The following LTO1 variants were observed in gnomAD, a reference collection of about 807,000 sequenced individuals.
LTO1 encodes the protein protein LTO1 homolog.
In LTO1, 18 loss-of-function variants were observed where a neutral mutation model predicts 19.8. The observed-to-expected ratio is 0.91, with a 90% CI of 0.63 to 1.35. The LOEUF is 1.35. Ranked by LOEUF, LTO1 falls within the 40% of genes most tolerant of loss-of-function variation. The pLI is 0.00. For synonymous variants in LTO1, 59 were observed against 59.6 expected (o/e 0.99, Z 0.05); for missense variants, 175 against 167.9 (o/e 1.04, Z -0.23).
chr11:69,668,756 G>A (rs184944169), intron 3 of LTO1, among the ~76,000 whole-genome samples: 26 of 151,920 alleles, frequency 1.7e-4, no homozygotes, highest in Middle Eastern at 3.4e-3. Context: ...GGCCGGGCTC[G>A]GTGGCTCACG....
intron 4 of LTO1, 115 bp downstream of exon 4, chr11:69,667,780 T>A: frequency 1.3e-6 from 1 of 743,498 alleles, no homozygotes; most frequent in Non-Finnish European, 2.4e-6. Context: ...TACGGACAGT[T>A]CCGCGGCGCA....
chr11:69,671,036 C>T (rs1856101145), intron 3 of LTO1, among the ~76,000 whole-genome samples: 1 of 152,040 alleles, frequency 6.6e-6, no homozygotes, highest in Non-Finnish European at 1.5e-5. Context: ...GAGTAGCTGG[C>T]ACTACAGACA....
At chr11:69,670,065 G>A (rs1856086531) in intron 3 of LTO1, among the ~76,000 whole-genome samples, 1 of 151,980 alleles carries the variant, frequency 6.6e-6, no homozygotes, top group Admixed American at 6.6e-5. Flanking sequence ...ATGAACCACT[G>A]CTCTACAATA....
At chr11:69,672,755 G>T (rs767500909) in intron 2 of LTO1, 17 of 282,502 alleles carry the variant, frequency 6.0e-5, no homozygotes, top group Non-Finnish European at 9.1e-5. Flanking sequence ...TATTTCTCCA[G>T]CAACAGTCCA....
At chr11:69,673,614 T>C (rs1565080331) in intron 1 of LTO1, among the ~76,000 whole-genome samples, 1 of 151,470 alleles carries the variant, frequency 6.6e-6, no homozygotes, top group Non-Finnish European at 1.5e-5. Flanking sequence ...AATTCAAAGA[T>C]ATTAACTCAA....
chr11:69,670,743 T>C (rs1236024283), intron 3 of LTO1, among the ~76,000 whole-genome samples: 1 of 152,228 alleles, frequency 6.6e-6, no homozygotes, highest in African/African-American at 2.4e-5. Flanking sequence ...GGTGTCAGAA[T>C]GACGCAGAGC....
rs1036978552 is a variant in LTO1 at position 69,667,787 on chromosome 11, C to T, written c.345+108G>A. The T allele has an allele frequency of 6.0e-5, 45 of 753,408 alleles. No homozygotes were observed. The Middle Eastern group carries it at 1.1e-3, about 18-fold the overall frequency. The allele number at this position is 753,408 out of a possible 1,614,324, so 46.7% of individuals were successfully genotyped here. On this transcript the variant is annotated intron_variant, in intron 4 of 4. Coordinates refer to ENST00000279147, the MANE Select transcript of LTO1 (RefSeq NM_153451.3). ...GGCGCCTCTACGGACAGTTCCGCGGCGCACGCAGCCCCAGGCCATTGCCGC... is the reference window on the plus strand; with the variant it reads ...GGCGCCTCTACGGACAGTTCCGCGGTGCACGCAGCCCCAGGCCATTGCCGC...
rs995108275 is a variant in LTO1, at chr11:69,673,199, T to C, written c.156+17A>G. On this transcript the variant is annotated intron_variant, in intron 2 of 4. Coordinates refer to ENST00000279147, the MANE Select transcript of LTO1 (RefSeq NM_153451.3). Reference sequence around the variant, plus strand: ...TAAATGAAGAGGCTTCATCTCCAGATGGGGGTTCCCACTTACCTCAGACCC... The same window carrying C: ...TAAATGAAGAGGCTTCATCTCCAGACGGGGGTTCCCACTTACCTCAGACCC... The C allele has an allele frequency of 7.5e-7, 1 of 1,336,744 alleles. No individual in the cohort carries two copies. Among genetic ancestry groups the C allele is most frequent in the Non-Finnish European group, 1.1e-6 (1 of 926,546 alleles). 82.8% of individuals were successfully genotyped at this position (1,336,744 alleles called of 1,614,324 possible). A position where few individuals can be genotyped will look rare whatever the true frequency, so the allele number is the denominator to read the frequency against.
intron 4 of LTO1, 21 bp downstream of exon 4, chr11:69,667,874 G>C (rs370973505): frequency 2.4e-4 from 276 of 1,142,406 alleles, no homozygotes; most frequent in Middle Eastern, 1.5e-3. Context: ...CCTAGCAGGA[G>C]GAAACACACA....
intron 3 of LTO1, among the ~76,000 whole-genome samples, chr11:69,669,545 G>C (rs993689692): frequency 6.6e-6 from 1 of 152,204 alleles, no homozygotes; most frequent in Non-Finnish European, 1.5e-5. Context: ...ATGCCAAAAC[G>C]TGGGAGGTGG....
Position 69,675,335 on chromosome 11 carries a change from G to C in LTO1, c.-96C>G. On this transcript the variant is annotated 5_prime_UTR_variant, in exon 1 of 5. Coordinates refer to ENST00000279147, the MANE Select transcript of LTO1 (RefSeq NM_153451.3). ...TCAGGCACAAATGCTCCGCTTGGGA[G>C]GAGACGAGACCCACTTCCGGAAGCG... 1 of 1,047,122 alleles carries C rather than the reference G, an allele frequency of 9.5e-7. No homozygotes were observed. Among genetic ancestry groups the C allele is most frequent in the Non-Finnish European group, 1.3e-6 (1 of 747,220 alleles). The allele number at this position is 1,047,122 out of a possible 1,614,324, so 64.9% of individuals were successfully genotyped here. A position where few individuals can be genotyped will look rare whatever the true frequency, so the allele number is the denominator to read the frequency against.
At position 69,675,297 on chromosome 11, in the gene LTO1, A is replaced by T. The variant is rs951677142; in HGVS notation, c.-58T>A. 2.1e-5 allele frequency: 28 copies of T among 1,346,738 alleles called. No homozygotes were observed. The highest frequency in any genetic ancestry group is 2.8e-5 in the Non-Finnish European group (28 of 1,007,864). The allele number at this position is 1,346,738 out of a possible 1,614,324, so 83.4% of individuals were successfully genotyped here. A position where few individuals can be genotyped will look rare whatever the true frequency, so the allele number is the denominator to read the frequency against. On this transcript the variant is annotated 5_prime_UTR_variant, in exon 1 of 5. Transcript: ENST00000279147. Reference sequence around the variant, plus strand: ...TTCTGCAGCCCCGCGGTGCCGTAGCAGACCCGGCAGCTTCAGGCACAAATG... The same window carrying T: ...TTCTGCAGCCCCGCGGTGCCGTAGCTGACCCGGCAGCTTCAGGCACAAATG...
intron 1 of LTO1, among the ~76,000 whole-genome samples, chr11:69,673,916 G>T (rs1856149270): frequency 6.6e-6 from 1 of 152,054 alleles, no homozygotes; most frequent in African/African-American, 2.4e-5. Flanking sequence ...GAGTGCAGTG[G>T]TGCGATCTCG....
At chr11:69,668,188 G>T in intron 3 of LTO1, 176 bp from the exon 4 acceptor site, 1 of 586,260 alleles carries the variant, frequency 1.7e-6, no homozygotes, top group Admixed American at 2.9e-5. Context: ...CTAGCAACGA[G>T]CTTAGGCCCA....
At chr11:69,668,258 A>C in intron 3 of LTO1, 1 of 413,570 alleles carries the variant, frequency 2.4e-6, no homozygotes, top group Non-Finnish European at 4.4e-6. Context: ...CATTCCGACC[A>C]CGGGGCCAAG....
intron 1 of LTO1, among the ~76,000 whole-genome samples, chr11:69,674,070 G>A (rs968867110): frequency 9.2e-5 from 14 of 152,050 alleles, no homozygotes; most frequent in Non-Finnish European, 1.9e-4. Context: ...AGCTAGGATG[G>A]TCTGGATCTC....
At chr11:69,675,008 A>G in intron 1 of LTO1, 182 bp downstream of exon 1, 1 of 696,882 alleles carries the variant, frequency 1.4e-6, no homozygotes, top group Non-Finnish European at 2.6e-6. Context: ...GGAGCGGGCC[A>G]GGAGAAGAGG....
At chr11:69,671,903 G>C in intron 2 of LTO1, 84 bp from the exon 3 acceptor site, 1 of 822,578 alleles carries the variant, frequency 1.2e-6, no homozygotes, top group Non-Finnish European at 2.1e-6. Context: ...ACAAAAGGTG[G>C]GGGCAGAAGG....
At chr11:69,675,060 A>T in intron 1 of LTO1, 130 bp downstream of exon 1, 1 of 795,564 alleles carries the variant, frequency 1.3e-6, no homozygotes, top group South Asian at 1.5e-5. Context: ...GTCCACGGCC[A>T]CCAGGCGCTC....
Sources: allele counts gnomAD v4.1 joint callset (sites outside exome capture counted in the v4.1 genomes callset), GRCh38; gene constraint gnomAD v4.1.1; transcripts MANE v1.5; gene names NCBI Gene and HGNC (gene_info 2026-07-23, HGNC 2026-07-21).